Variants in KAZN observed in about 807,000 individuals in gnomAD.
KAZN encodes the protein kazrin, periplakin interacting protein.
A neutral mutation model predicts 87.4 loss-of-function variants in KAZN; 40 were observed. The observed-to-expected ratio is 0.46, with a 90% CI of 0.36 to 0.60. KAZN has a LOEUF of 0.60. KAZN is among the 20% of genes least tolerant of loss of function. KAZN has a pLI of 0.00. For missense variants in KAZN, 898 were observed against 1,073.9 expected (o/e 0.84, Z 2.29); for synonymous variants, 466 against 458.3 (o/e 1.02, Z -0.22).
chr1:14,546,128 T>G (rs552223835), intron 2 of KAZN, among the ~76,000 whole-genome samples: 1 of 152,344 alleles, frequency 6.6e-6, no homozygotes, highest in Admixed American at 6.5e-5. Context: ...TTCCTGTGAT[T>G]GAAATCAGTT....
intron 1 of KAZN, among the ~76,000 whole-genome samples, chr1:14,689,174 G>A (rs576432213): frequency 4.2e-4 from 64 of 151,810 alleles, no homozygotes; most frequent in Middle Eastern, 3.4e-3. Flanking sequence ...CAGCCTGGGC[G>A]ACAGAGTCAG....
intron 1 of KAZN, among the ~76,000 whole-genome samples, chr1:13,952,603 A>G (rs1641394905): frequency 6.6e-6 from 1 of 151,838 alleles, no homozygotes; most frequent in Admixed American, 6.6e-5. Flanking sequence ...TAAAGAGGAG[A>G]GAGAACAAAC....
rs532208851 is a variant in KAZN, at chr1:14,989,376, T to A, written c.418+28501T>A. On this transcript the variant is annotated intron_variant, in intron 2 of 14. Coordinates refer to ENST00000376030, the MANE Select transcript of KAZN (RefSeq NM_201628.3). ...CTGAAATCCCAGCTACTTGAGAGGC[T>A]GAGACAGGAGAATTGCTTTAACCCG... Among the ~76,000 whole-genome samples the A allele has an allele frequency of 5.6e-4, 85 of 152,286 alleles. 1 individual carries two copies. The highest frequency in any genetic ancestry group is 3.4e-3 in the Middle Eastern group (1 of 294).
chr1:14,839,718 G>A (rs576584616), intron 1 of KAZN, among the ~76,000 whole-genome samples: 7 of 152,180 alleles, frequency 4.6e-5, no homozygotes, highest in African/African-American at 1.7e-4. Flanking sequence ...TTAAGAACGG[G>A]GACTATTTTT....
intron 1 of KAZN, among the ~76,000 whole-genome samples, chr1:14,128,524 T>C (rs892386016): frequency 5.3e-5 from 8 of 152,200 alleles, no homozygotes; most frequent in African/African-American, 1.9e-4. Flanking sequence ...TCTTGCTGCC[T>C]CTTCACATGG....
intron 1 of KAZN, among the ~76,000 whole-genome samples, chr1:14,066,760 A>G (rs139142119): frequency 1.1e-3 from 164 of 152,308 alleles, no homozygotes; most frequent in Non-Finnish European, 1.8e-3. Context: ...TTTCTGGTTG[A>G]TAAGTTACAG....
intron 1 of KAZN, among the ~76,000 whole-genome samples, chr1:14,889,905 C>A (rs1458408701): frequency 6.6e-6 from 1 of 152,196 alleles, no homozygotes; most frequent in East Asian, 1.9e-4. Context: ...TCTTACATGA[C>A]AAAATATGGC....
At chr1:14,358,313 CTTCT>C (rs1196717646) in intron 2 of KAZN, among the ~76,000 whole-genome samples, 1 of 148,000 alleles carries the variant, frequency 6.8e-6, no homozygotes, top group Admixed American at 6.7e-5. Context: ...TCTCTCTTTT[CTTCT>C]TTATTAGTCT....
At chr1:14,529,393 A>G (rs929448009) in intron 2 of KAZN, among the ~76,000 whole-genome samples, 3 of 152,210 alleles carry the variant, frequency 2.0e-5, no homozygotes, top group African/African-American at 7.2e-5. Context: ...AGGGGGGATT[A>G]GGATTGTGAT....
intron 1 of KAZN, among the ~76,000 whole-genome samples, chr1:13,952,936 T>C (rs1641408642): frequency 6.6e-6 from 1 of 152,178 alleles, no homozygotes; most frequent in South Asian, 2.1e-4. Flanking sequence ...GATTCTTTAT[T>C]TCCTAAGATA....
intron 1 of KAZN, among the ~76,000 whole-genome samples, chr1:13,944,687 T>C (rs1641068300): frequency 6.6e-6 from 1 of 152,162 alleles, no homozygotes; most frequent in African/African-American, 2.4e-5. Context: ...GTCAAGGATG[T>C]GTGTCATTAT....
chr1:14,727,192 A>T (rs1413147976), intron 1 of KAZN, among the ~76,000 whole-genome samples: 1 of 152,312 alleles, frequency 6.6e-6, no homozygotes, highest in South Asian at 2.1e-4. Flanking sequence ...TGTTCAGTAC[A>T]TCTGTTGGAT....
chr1:14,275,225 A>G (rs1403417774), intron 2 of KAZN, among the ~76,000 whole-genome samples: 1 of 152,160 alleles, frequency 6.6e-6, no homozygotes, highest in Admixed American at 6.5e-5. Flanking sequence ...GGTATTTATT[A>G]TTCCCATGCA....
intron 2 of KAZN, among the ~76,000 whole-genome samples, chr1:14,272,560 T>C (rs1652031696): frequency 1.3e-5 from 2 of 152,152 alleles, no homozygotes; most frequent in Non-Finnish European, 2.9e-5. Flanking sequence ...GCAAGGCACA[T>C]AAAATTCAAC....
intron 8 of KAZN, among the ~76,000 whole-genome samples, chr1:15,079,631 C>T (rs556536376): frequency 6.6e-6 from 1 of 152,276 alleles, no homozygotes; most frequent in East Asian, 1.9e-4. Context: ...GAAGGATGGT[C>T]TTCTTGCCCT....
chr1:14,553,103 G>A (rs373128261), intron 2 of KAZN, among the ~76,000 whole-genome samples: 11 of 152,172 alleles, frequency 7.2e-5, no homozygotes, highest in East Asian at 1.9e-4. Context: ...GGCCAGGCAC[G>A]TTGGCTCATG....
At chr1:14,176,971 A>G (rs1266268679) in intron 1 of KAZN, among the ~76,000 whole-genome samples, 1 of 152,140 alleles carries the variant, frequency 6.6e-6, no homozygotes. Flanking sequence ...CAGCCTGGCC[A>G]ATATGGTGAA....
chr1:14,669,227 A>G (rs1639764738), intron 1 of KAZN, among the ~76,000 whole-genome samples: 1 of 152,140 alleles, frequency 6.6e-6, no homozygotes, highest in Non-Finnish European at 1.5e-5. Context: ...TAGCATCTCC[A>G]GTCTGCTGAA....
intron 13 of KAZN, among the ~76,000 whole-genome samples, chr1:15,109,531 G>GT: frequency 6.6e-6 from 1 of 152,294 alleles, no homozygotes; most frequent in African/African-American, 2.4e-5. Context: ...ACAGTAAGAT[G>GT]TAATTGTAGC....
Sources: gnomAD v4.1 joint callset for allele counts (sites outside exome capture counted in the v4.1 genomes callset) on GRCh38, gnomAD v4.1.1 for gene constraint, MANE v1.5 for transcripts, NCBI Gene and HGNC (gene_info 2026-07-23, HGNC 2026-07-21) for gene names.